The following EIF1B variants were observed in gnomAD, a reference collection of about 807,000 sequenced individuals.
The protein encoded by EIF1B is eukaryotic translation initiation factor 1B.
Under a neutral mutation model 14.8 loss-of-function variants are expected in EIF1B, and 5 were observed. That is an observed-to-expected ratio of 0.34 (90% CI 0.18 to 0.71). The LOEUF (loss-of-function observed/expected upper bound fraction) is 0.71. Ranked by LOEUF, EIF1B falls within the 30% of genes least tolerant of loss-of-function variation. The probability of loss-of-function intolerance (pLI) is 0.64; values close to 1 mark genes in which losing one functional copy is unlikely to be tolerated. For synonymous variants in EIF1B, 45 were observed against 45.8 expected (o/e 0.98, Z 0.07); for missense variants, 56 against 134.0 (o/e 0.42, Z 2.87).
chr3:40,309,866 TA>T lies in EIF1B; in HGVS notation c.-75del. On this transcript the variant is annotated 5_prime_UTR_variant, in exon 1 of 4. Coordinates refer to ENST00000232905, the MANE Select transcript of EIF1B (RefSeq NM_005875.3). ...TTATTTATTTCCGTTTTCTCGCCAC[TA>T]CAGCCTCCTGACAAGGTGATCCGGG... 5 of 1,542,974 alleles carry T rather than the reference TA, an allele frequency of 3.2e-6. No individual in the cohort carries two copies. The highest frequency in any genetic ancestry group is 1.1e-5 in the South Asian group (1 of 89,510).
intron 2 of EIF1B, 132 bp downstream of exon 2, chr3:40,311,188 A>T (rs779667944): frequency 2.3e-6 from 2 of 861,032 alleles, no homozygotes; most frequent in Non-Finnish European, 3.4e-6. Flanking sequence ...TGTAATTAAC[A>T]TGTAAATATT....
At position 40,309,766 on chromosome 3, in the gene EIF1B, C is replaced by A. The variant is rs957883009; in HGVS notation, c.-176C>A. The A allele has an allele frequency of 1.5e-6, 1 of 679,284 alleles. No homozygotes were observed. 42.1% of individuals were successfully genotyped at this position (679,284 alleles called of 1,614,324 possible). On this transcript the variant is annotated 5_prime_UTR_variant, in exon 1 of 4. Coordinates refer to ENST00000232905, the MANE Select transcript of EIF1B (RefSeq NM_005875.3). Reference sequence around the variant, plus strand: ...TCGCCTCTTCCTCCGCCTCCTCCTTCGCCTCTTCCTGCCTCCTCCCGGCTT... The same window carrying A: ...TCGCCTCTTCCTCCGCCTCCTCCTTAGCCTCTTCCTGCCTCCTCCCGGCTT...
intron 2 of EIF1B, 100 bp downstream of exon 2, chr3:40,311,156 C>A: frequency 1.8e-6 from 2 of 1,122,238 alleles, no homozygotes; most frequent in Non-Finnish European, 2.5e-6. Context: ...AATAACTAGA[C>A]CAAGAAAGTT....
At chr3:40,310,450 T>TA (rs771934676) in intron 1 of EIF1B, among the ~76,000 whole-genome samples, 1 of 151,480 alleles carries the variant, frequency 6.6e-6, no homozygotes, top group Non-Finnish European at 1.5e-5. Flanking sequence ...TTTGTTAAAT[T>TA]ACGCCTCTTG....
Position 40,312,134 on chromosome 3 carries a change from T to G in EIF1B, c.*120T>G. On this transcript the variant is annotated 3_prime_UTR_variant, in exon 4 of 4. Coordinates refer to ENST00000232905, the MANE Select transcript of EIF1B (RefSeq NM_005875.3). ...TTTTCATTTATTTAATCATTCAAAC[T>G]TCCATTCACATCTGCATGATTACAG... 9.3e-6 allele frequency: 7 copies of G among 750,690 alleles called. No individual in the cohort carries two copies. In the South Asian group the frequency reaches 1.1e-4, roughly 12 times the overall value. The allele number at this position is 750,690 out of a possible 1,614,324, so 46.5% of individuals were successfully genotyped here. A position where few individuals can be genotyped will look rare whatever the true frequency, so the allele number is the denominator to read the frequency against.
At position 40,309,837 on chromosome 3, in the gene EIF1B, TTTC is replaced by T. The variant is rs1954302452; in HGVS notation, c.-102_-100del. The T allele has an allele frequency of 2.2e-6, 3 of 1,376,820 alleles. No individual in the cohort carries two copies. The highest frequency in any genetic ancestry group is 3.1e-6 in the Non-Finnish European group (3 of 973,096). 85.3% of individuals were successfully genotyped at this position (1,376,820 alleles called of 1,614,324 possible). ...TAATCCCAACCCCAGGGCGAAGCGT[TTTC>T]TTATTTATTTCCGTTTTCTCGCCAC... On this transcript the variant is annotated 5_prime_UTR_variant, in exon 1 of 4. Coordinates refer to ENST00000232905, the MANE Select transcript of EIF1B (RefSeq NM_005875.3).
rs1454493 is a variant in EIF1B, at chr3:40,311,409, G to A, written c.196-61G>A. The A allele has an allele frequency of 0.013, 16,155 of 1,216,648 alleles. 142 individuals carry two copies. Among genetic ancestry groups the A allele is most frequent in the Middle Eastern group, 0.024 (123 of 5,218 alleles). 75.4% of individuals were successfully genotyped at this position (1,216,648 alleles called of 1,614,324 possible). A position where few individuals can be genotyped will look rare whatever the true frequency, so the allele number is the denominator to read the frequency against. On this transcript the variant is annotated intron_variant, in intron 2 of 3. Coordinates refer to ENST00000232905, the MANE Select transcript of EIF1B (RefSeq NM_005875.3). ...CTGAAATGGCTAATTCTGTTCATAC[G>A]GTGAAATAAAACCTCATAGTAGTTG...
chr3:40,311,160 G>T, intron 2 of EIF1B, 104 bp downstream of exon 2: 1 of 1,084,840 alleles, frequency 9.2e-7, no homozygotes, highest in Non-Finnish European at 1.3e-6. Context: ...ACTAGACCAA[G>T]AAAGTTGTTC....
chr3:40,310,894 C>T lies in EIF1B; in HGVS notation c.33C>T (p.Asp11=). MSTIQNLQSF[D]PFADATKGDD... ...TTTTTTTTTTTTATCCATTCGCAGA[C>T]CCCTTTGCTGATGCAACTAAGGGTG... Residue 11 remains aspartate (D), a splice_region_variant and synonymous_variant, in exon 2 of 4, where the codon GAC becomes GAT. Transcript: ENST00000232905. The T allele has an allele frequency of 6.3e-7, 1 of 1,582,864 alleles. No individual in the cohort carries two copies.
At chr3:40,310,815 A>G (rs1287459290) in intron 1 of EIF1B, 78 bp from the exon 2 acceptor site, 31 of 1,417,384 alleles carry the variant, frequency 2.2e-5, no homozygotes, top group Non-Finnish European at 2.7e-5. Context: ...GATTGGTAGT[A>G]TAATGTATTT....
In EIF1B at chr3:40,309,779, C is replaced by G. The variant is rs1390472193; in HGVS notation, c.-163C>G. 3 of 759,466 alleles carry G rather than the reference C, an allele frequency of 4.0e-6. No individual in the cohort carries two copies. The highest frequency in any genetic ancestry group is 2.6e-5 in the East Asian group (1 of 38,396). 47.0% of individuals were successfully genotyped at this position (759,466 alleles called of 1,614,324 possible). ...CGCCTCCTCCTTCGCCTCTTCCTGC[C>G]TCCTCCCGGCTTCCGCCGCCGCCAC... On this transcript the variant is annotated 5_prime_UTR_variant, in exon 1 of 4. Coordinates refer to ENST00000232905, the MANE Select transcript of EIF1B (RefSeq NM_005875.3).
chr3:40,309,813 A>C lies in EIF1B; in HGVS notation c.-129A>C. 1.7e-6 allele frequency: 2 copies of C among 1,167,034 alleles called. No homozygotes were observed. Among genetic ancestry groups the C allele is most frequent in the South Asian group, 2.6e-5 (2 of 77,702 alleles). 72.3% of individuals were successfully genotyped at this position (1,167,034 alleles called of 1,614,324 possible). On this transcript the variant is annotated 5_prime_UTR_variant, in exon 1 of 4. Coordinates refer to ENST00000232905, the MANE Select transcript of EIF1B (RefSeq NM_005875.3). ...GCTTCCGCCGCCGCCACTCCAGCCT[A>C]ATCCCAACCCCAGGGCGAAGCGTTT...
intron 3 of EIF1B, 97 bp from the exon 4 acceptor site, chr3:40,311,873 T>C (rs1246238902): frequency 1.1e-6 from 1 of 948,130 alleles, no homozygotes; most frequent in Non-Finnish European, 1.7e-6. Context: ...TGCAGTAAGC[T>C]GTTGATAGTG....
chr3:40,311,972 T>C lies in EIF1B; in HGVS notation c.300T>C (p.Val100=). ...CTAAATTAGATTTTATTTTACAGGT[T>C]GGCATTGTAAAGGAGGAACAGCTTA... The part of the protein sequence containing the change: ...RKNICQFLLE[V]GIVKEEQLKV... Residue 100 remains valine, a splice_region_variant and synonymous_variant, in exon 4 of 4, where the codon GTT becomes GTC. Transcript: ENST00000232905. 6.2e-7 allele frequency: 1 copy of C among 1,600,040 alleles called. No individual in the cohort carries two copies. Among genetic ancestry groups the C allele is most frequent in the Non-Finnish European group, 8.6e-7 (1 of 1,167,900 alleles).
intron 2 of EIF1B, chr3:40,311,267 G>A: frequency 1.7e-6 from 1 of 594,990 alleles, no homozygotes; most frequent in Non-Finnish European, 2.8e-6. Context: ...AAATTTAAAT[G>A]TGAAATATTT....
intron 3 of EIF1B, 128 bp downstream of exon 3, chr3:40,311,699 TG>T: frequency 1.3e-6 from 1 of 794,694 alleles, no homozygotes. Context: ...AATAAAGACA[TG>T]GTAGTTATTT....
chr3:40,311,891 T>G, intron 3 of EIF1B, 79 bp from the exon 4 acceptor site: 3 of 1,151,078 alleles, frequency 2.6e-6, no homozygotes, highest in Non-Finnish European at 3.9e-6. Context: ...GTGATTCTTT[T>G]TAATTACTCT....
At chr3:40,311,379 G>A in intron 2 of EIF1B, 91 bp from the exon 3 acceptor site, 1 of 889,498 alleles carries the variant, frequency 1.1e-6, no homozygotes, top group Non-Finnish European at 1.8e-6. Flanking sequence ...ATATGATCTA[G>A]CTTACTGAAA....
chr3:40,311,467 C>A lies in EIF1B; in HGVS notation c.196-3C>A. The A allele has an allele frequency of 6.2e-7, 1 of 1,609,312 alleles. No homozygotes were observed. Among genetic ancestry groups the A allele is most frequent in the South Asian group, 1.1e-5 (1 of 90,280 alleles). On this transcript the variant is annotated splice_region_variant and splice_polypyrimidine_tract_variant and intron_variant, in intron 2 of 3. Transcript: ENST00000232905. ...TTTGTTGTATATTTATGCACTTTTC[C>A]AGAAATTTGCCTGTAATGGTACTGT...
Sources: allele counts gnomAD v4.1 joint callset (sites outside exome capture counted in the v4.1 genomes callset), GRCh38; gene constraint gnomAD v4.1.1; transcripts MANE v1.5; gene names NCBI Gene and HGNC (gene_info 2026-07-23, HGNC 2026-07-21).